The following TRIM9 variants were observed in gnomAD, a reference collection of about 807,000 sequenced individuals.
The protein encoded by TRIM9 is E3 ubiquitin-protein ligase TRIM9.
Under a neutral mutation model 78.3 loss-of-function variants are expected in TRIM9, and 26 were observed. That is an observed-to-expected ratio of 0.33 (90% CI 0.24 to 0.46). TRIM9 has a LOEUF of 0.46. Among genes scored for constraint, TRIM9 ranks in the 20% least tolerant of loss-of-function variants. TRIM9 has a pLI of 1.00. For missense variants in TRIM9, 787 were observed against 1,036.4 expected, an observed-to-expected ratio of 0.76 and a Z score of 3.30; for synonymous variants, 398 against 416.5, an observed-to-expected ratio of 0.96 and a Z score of 0.54.
At chr14:51,044,546 A>G (rs1281183226) in intron 1 of TRIM9, among the ~76,000 whole-genome samples, 1 of 152,174 alleles carries the variant, frequency 6.6e-6, no homozygotes, top group Admixed American at 6.5e-5. Flanking sequence ...CCTCTGAGTC[A>G]TGGCCTTAAC....
chr14:50,997,086 G>C, intron 7 of TRIM9: 1 of 985,402 alleles, frequency 1.0e-6, no homozygotes, highest in Non-Finnish European at 1.2e-6. Context: ...GGAAGTTATG[G>C]AGAATCCCGG....
chr14:51,032,256 T>C (rs908309039), intron 1 of TRIM9, among the ~76,000 whole-genome samples: 1 of 152,240 alleles, frequency 6.6e-6, no homozygotes, highest in Non-Finnish European at 1.5e-5. Flanking sequence ...CAAAGTCAGA[T>C]GAACTTGAGT....
intron 1 of TRIM9, among the ~76,000 whole-genome samples, chr14:51,045,904 C>A (rs2059915972): frequency 6.6e-6 from 1 of 151,654 alleles, no homozygotes; most frequent in South Asian, 2.1e-4. Flanking sequence ...TGAAGAAAAT[C>A]CAGGAATCAA....
intron 1 of TRIM9, among the ~76,000 whole-genome samples, chr14:51,037,110 G>C (rs895549811): frequency 6.6e-6 from 1 of 152,098 alleles, no homozygotes; most frequent in Non-Finnish European, 1.5e-5. Context: ...TTAAGTAACT[G>C]TGATTCCCCA....
intron 1 of TRIM9, among the ~76,000 whole-genome samples, chr14:51,046,358 G>A (rs1354606504): frequency 6.6e-6 from 1 of 152,168 alleles, no homozygotes; most frequent in Non-Finnish European, 1.5e-5. Context: ...AAGGAAGATT[G>A]GGAAATGGGA....
At chr14:51,034,314 T>C (rs762925959) in intron 1 of TRIM9, among the ~76,000 whole-genome samples, 9 of 152,200 alleles carry the variant, frequency 5.9e-5, no homozygotes, top group Non-Finnish European at 8.8e-5. Flanking sequence ...AATGAGAATT[T>C]AGGCCTTAAC....
chr14:51,092,027 C>T (rs1479849780), intron 1 of TRIM9, among the ~76,000 whole-genome samples: 5 of 152,236 alleles, frequency 3.3e-5, no homozygotes, highest in Admixed American at 2.0e-4. Flanking sequence ...ATCCTAATTA[C>T]CTTGTGGCTC....
At chr14:51,014,548 C>T (rs1419147584) in intron 3 of TRIM9, among the ~76,000 whole-genome samples, 1 of 152,056 alleles carries the variant, frequency 6.6e-6, no homozygotes, top group Admixed American at 6.6e-5. Context: ...TTTTGGGTGC[C>T]CTGTAATTAA....
intron 9 of TRIM9, 124 bp from the exon 10 acceptor site, chr14:50,983,089 A>G: frequency 2.2e-6 from 2 of 906,832 alleles, no homozygotes; most frequent in African/African-American, 1.6e-5. Flanking sequence ...AATGCCACAT[A>G]TACTAAACAG....
At position 51,025,448 on chromosome 14, in the gene TRIM9, C is replaced by T; in HGVS notation, c.823-88G>A. The T allele has an allele frequency of 3.9e-6, 4 of 1,013,498 alleles. No individual in the cohort carries two copies. The East Asian group carries it at 9.9e-5, about 25-fold the overall frequency. The allele number at this position is 1,013,498 out of a possible 1,614,324, so 62.8% of individuals were successfully genotyped here. ...AGACTCAAAACTGAAGAGTCATCAA[C>T]CTCCTCAGATTCCTCTTGTCTGAGG... On this transcript the variant is annotated intron_variant, in intron 1 of 12. Transcript: ENST00000684578.
intron 1 of TRIM9, among the ~76,000 whole-genome samples, chr14:51,064,424 G>A (rs1468738460): frequency 6.6e-6 from 1 of 151,846 alleles, no homozygotes; most frequent in Non-Finnish European, 1.5e-5. Flanking sequence ...CAATTAAAAG[G>A]TAAAGACTAG....
At chr14:51,020,005 T>G (rs563285906) in intron 3 of TRIM9, among the ~76,000 whole-genome samples, 84 of 152,288 alleles carry the variant, frequency 5.5e-4, no homozygotes, top group African/African-American at 1.9e-3. Flanking sequence ...ATTCCTAGTT[T>G]TTTGGATTGC....
chr14:50,978,830 T>C, intron 12 of TRIM9: 1 of 896,706 alleles, frequency 1.1e-6, no homozygotes. Context: ...AAAGGCATTC[T>C]ATAGATATTT....
chr14:50,998,628 G>A (rs571026323), intron 6 of TRIM9, among the ~76,000 whole-genome samples: 27 of 152,262 alleles, frequency 1.8e-4, no homozygotes, highest in Admixed American at 1.6e-3. Context: ...TTGAAACCAT[G>A]AAAACAGGAA....
chr14:51,016,556 G>A (rs10143878), intron 3 of TRIM9, among the ~76,000 whole-genome samples: 128,413 of 149,656 alleles, frequency 0.86, 55,298 homozygotes, highest in African/African-American at 0.92. Context: ...GTTATTATTA[G>A]CATATTAATT....
intron 1 of TRIM9, among the ~76,000 whole-genome samples, chr14:51,042,225 G>A (rs539986674): frequency 7.1e-4 from 108 of 152,292 alleles, no homozygotes; most frequent in Middle Eastern, 3.4e-3. Context: ...TCAAGACCCA[G>A]CCTGTCGTTG....
intron 1 of TRIM9, among the ~76,000 whole-genome samples, chr14:51,083,757 A>G (rs1199491346): frequency 2.6e-5 from 4 of 152,222 alleles, no homozygotes; most frequent in Admixed American, 6.5e-5. Context: ...TTAGGGTTCA[A>G]TGCAAAATGT....
chr14:51,051,087 G>C (rs1191168397), intron 1 of TRIM9, among the ~76,000 whole-genome samples: 1 of 152,148 alleles, frequency 6.6e-6, no homozygotes, highest in African/African-American at 2.4e-5. Flanking sequence ...TTCAAGGTAA[G>C]GATCTTAGAT....
chr14:51,018,088 T>C (rs1311551278), intron 3 of TRIM9, among the ~76,000 whole-genome samples: 1 of 152,220 alleles, frequency 6.6e-6, no homozygotes, highest in Non-Finnish European at 1.5e-5. Context: ...CTTCAAGTTG[T>C]TCCAGTGTGC....
Sources: allele counts gnomAD v4.1 joint callset (sites outside exome capture counted in the v4.1 genomes callset), GRCh38; gene constraint gnomAD v4.1.1; transcripts MANE v1.5; gene names NCBI Gene and HGNC (gene_info 2026-07-23, HGNC 2026-07-21).